PRH1: variants seen among roughly 807,000 people sequenced by gnomAD.
PRH1 encodes proline rich protein HaeIII subfamily 1.
A neutral mutation model predicts 7.9 loss-of-function variants in PRH1; 7 were observed. The ratio of observed to expected loss-of-function variants is 0.89; its 90% CI spans 0.50 to 1.67. The LOEUF (loss-of-function observed/expected upper bound fraction) is 1.67. Ranked by LOEUF, PRH1 falls within the 40% of genes most tolerant of loss-of-function variation. PRH1 has a pLI of 0.00. For missense variants in PRH1, 109 were observed against 223.6 expected, an observed-to-expected ratio of 0.49 and a Z score of 3.27; for synonymous variants, 45 against 80.8, an observed-to-expected ratio of 0.56 and a Z score of 2.38.
chr12:10,993,146 G>A (rs938478484), intron 1 of PRH1, among the ~76,000 whole-genome samples: 3 of 152,194 alleles, frequency 2.0e-5, no homozygotes, highest in African/African-American at 7.2e-5. Flanking sequence ...TCTCTAGGAT[G>A]TGGTACCTTC....
At chr12:11,104,398 C>T (rs780734667) in intron 1 of PRH1, among the ~76,000 whole-genome samples, 89 of 149,144 alleles carry the variant, frequency 6.0e-4, no homozygotes, top group Non-Finnish European at 1.0e-3. Flanking sequence ...TCAAACTTTA[C>T]GTCAATGAGA....
At chr12:11,163,525 G>A (rs1947478816) in intron 1 of PRH1, among the ~76,000 whole-genome samples, 2 of 152,094 alleles carry the variant, frequency 1.3e-5, no homozygotes, top group South Asian at 2.1e-4. Context: ...TCTAATCTGA[G>A]TACTGTTAGT....
At chr12:11,014,190 T>A (rs1941188902) in intron 1 of PRH1, among the ~76,000 whole-genome samples, 1 of 152,230 alleles carries the variant, frequency 6.6e-6, no homozygotes, top group Admixed American at 6.5e-5. Flanking sequence ...AGAGATTACA[T>A]GAGATCACCA....
At chr12:11,121,516 GCTTT>G (rs900158402) in intron 1 of PRH1, among the ~76,000 whole-genome samples, 7 of 112,428 alleles carry the variant, frequency 6.2e-5, no homozygotes, top group Non-Finnish European at 6.2e-5. Context: ...TTCAAAAAAG[GCTTT>G]CTTTAATTAA....
At chr12:11,039,263 G>C (rs898717510) in intron 1 of PRH1, among the ~76,000 whole-genome samples, 5 of 152,154 alleles carry the variant, frequency 3.3e-5, no homozygotes, top group African/African-American at 9.7e-5. Context: ...TTCTATTCCT[G>C]ATTCCTAAGT....
upstream of PRH1, among the ~76,000 whole-genome samples, chr12:11,050,840 C>T (rs908716659): frequency 6.6e-6 from 1 of 152,224 alleles, no homozygotes; most frequent in East Asian, 1.9e-4. Flanking sequence ...ATTGGAGTTT[C>T]TTGCTCTTTT....
chr12:11,081,970 A>G lies in PRH1; in HGVS notation n.124-34782T>C, dbSNP rs1408127122. On this transcript the variant is annotated intron_variant and non_coding_transcript_variant, in intron 1 of 4. Transcript: ENST00000541977. ...ATAGTGTTACATGGATTAGTTTAAT[A>G]TAATTTATAATTGTTTCCTTAAGCA... is the stretch of plus-strand genomic sequence containing the variant. Among the ~76,000 whole-genome samples, 486 of 91,616 alleles carry G rather than the reference A, an allele frequency of 5.3e-3. 2 individuals are homozygous for G. Among genetic ancestry groups the G allele is most frequent in the Middle Eastern group, 0.02 (4 of 196 alleles). The allele number at this position is 91,616 out of a possible 152,430, so 60.1% of individuals were successfully genotyped here. A position where few individuals can be genotyped will look rare whatever the true frequency, so the allele number is the denominator to read the frequency against.
chr12:10,901,629 T>C (rs967319508), intron 2 of PRH1, among the ~76,000 whole-genome samples: 4 of 152,174 alleles, frequency 2.6e-5, no homozygotes, highest in African/African-American at 9.7e-5. Flanking sequence ...GGATCAAATA[T>C]ATAACCATCA....
intron 1 of PRH1, among the ~76,000 whole-genome samples, chr12:11,003,817 C>T (rs1940703532): frequency 6.6e-6 from 1 of 151,888 alleles, no homozygotes; most frequent in African/African-American, 2.4e-5. Context: ...ACTATGCTAT[C>T]CATGTAAATC....
rs200147483 is a variant in PRH1, at chr12:11,022,961, A to G, written c.-126+24059T>C. On this transcript the variant is annotated intron_variant, in intron 1 of 3. Coordinates refer to the PRH1 transcript ENST00000539853. ...TGTTTAACCTCTCCATAATTTGTAT[A>G]CAGCATCTTCAGTTGTTCCATAGGG... Among the ~76,000 whole-genome samples the G allele has an allele frequency of 2.0e-5, 3 of 150,048 alleles. No homozygotes were observed. The East Asian group carries it at 6.0e-4, about 30-fold the overall frequency.
chr12:11,146,632 T>C (rs1221683838), intron 1 of PRH1, among the ~76,000 whole-genome samples: 1 of 152,164 alleles, frequency 6.6e-6, no homozygotes, highest in Non-Finnish European at 1.5e-5. Context: ...GGTTTTTGTA[T>C]CTTTCAGATA....
At chr12:10,938,903 C>T (rs776012307) in intron 2 of PRH1, 2 of 1,613,948 alleles carry the variant, frequency 1.2e-6, no homozygotes, top group Admixed American at 1.7e-5. Flanking sequence ...AGTACCGAGG[C>T]CTGTAGCTAA....
intron 2 of PRH1, among the ~76,000 whole-genome samples, chr12:10,946,200 T>C (rs750723610): frequency 9.9e-5 from 15 of 152,222 alleles, no homozygotes; most frequent in South Asian, 2.1e-4. Context: ...TAAGTGTCCA[T>C]GAAATCTTCA....
chr12:11,143,551 A>G (rs571495963), intron 1 of PRH1, among the ~76,000 whole-genome samples: 1 of 152,192 alleles, frequency 6.6e-6, no homozygotes, highest in Non-Finnish European at 1.5e-5. Flanking sequence ...AAACTCTCCA[A>G]TCAAAAGGCA....
At chr12:11,020,320 T>TTTTATGGTGA (rs1316300572) in intron 1 of PRH1, among the ~76,000 whole-genome samples, 2 of 150,272 alleles carry the variant, frequency 1.3e-5, no homozygotes, top group African/African-American at 5.0e-5. Flanking sequence ...TGACCTCTCT[T>TTTTATGGTGA]TTTATGGTGA....
At chr12:10,931,006 C>T (rs1343870622) in intron 2 of PRH1, 4 of 1,594,806 alleles carry the variant, frequency 2.5e-6, no homozygotes, top group Non-Finnish European at 3.4e-6. Context: ...GCCCCAGGGA[C>T]CACCTCCCCA....
At chr12:10,934,855 A>T (rs939224072) in intron 2 of PRH1, among the ~76,000 whole-genome samples, 2 of 152,180 alleles carry the variant, frequency 1.3e-5, no homozygotes, top group African/African-American at 4.8e-5. Context: ...ATCATTGTGC[A>T]TGTTTGCTTT....
chr12:11,129,538 G>A (rs1425074108), intron 1 of PRH1, among the ~76,000 whole-genome samples: 3 of 152,292 alleles, frequency 2.0e-5, no homozygotes, highest in East Asian at 1.9e-4. Flanking sequence ...TCTATAACCC[G>A]ATTCACTTAA....
chr12:11,053,966 G>T (rs1445042813), intron 1 of PRH1, among the ~76,000 whole-genome samples: 1 of 152,108 alleles, frequency 6.6e-6, no homozygotes, highest in East Asian at 1.9e-4. Flanking sequence ...GATTACAGGT[G>T]CTGTCCATCA....
Sources: gnomAD v4.1 joint callset for allele counts (sites outside exome capture counted in the v4.1 genomes callset) on GRCh38, gnomAD v4.1.1 for gene constraint, MANE v1.5 for transcripts, NCBI Gene and HGNC (gene_info 2026-07-23, HGNC 2026-07-21) for gene names.